DZANK1: variants seen among roughly 807,000 people sequenced by gnomAD.
The protein encoded by DZANK1 is double zinc ribbon and ankyrin repeat-containing protein 1.
A neutral mutation model predicts 94.5 loss-of-function variants in DZANK1; 91 were observed. That is an observed-to-expected ratio of 0.96 (90% CI 0.81 to 1.15). DZANK1 has a LOEUF of 1.15. Among genes scored for constraint, DZANK1 ranks in the 50% most tolerant of loss-of-function variants. The pLI, the probability that DZANK1 is intolerant of heterozygous loss-of-function variation, is 0.00. For missense variants in DZANK1, 903 were observed against 916.4 expected (o/e 0.99, Z 0.19); for synonymous variants, 312 against 325.3 (o/e 0.96, Z 0.44).
chr20:18,390,673 A>G (rs1600712621), intron 17 of DZANK1, among the ~76,000 whole-genome samples: 1 of 152,210 alleles, frequency 6.6e-6, no homozygotes, highest in Admixed American at 6.5e-5. Context: ...AGGCAAGGTT[A>G]CCGCATGGAC....
intron 7 of DZANK1, among the ~76,000 whole-genome samples, chr20:18,445,221 G>T (rs1385972390): frequency 6.6e-6 from 1 of 152,110 alleles, no homozygotes; most frequent in African/African-American, 2.4e-5. Flanking sequence ...TCTGAGCAAA[G>T]AATATTAACA....
chr20:18,429,503 TCCCACGCCACAGACACGGCCTCC>T (rs1417408149), intron 9 of DZANK1, among the ~76,000 whole-genome samples: 1 of 152,200 alleles, frequency 6.6e-6, no homozygotes, highest in Non-Finnish European at 1.5e-5. Flanking sequence ...GTATACCCTG[TCCCACGCCACAGACACGGCCTCC>T]CCCACACTAT....
chr20:18,452,508 C>T, intron 6 of DZANK1, 107 bp downstream of exon 6: 1 of 1,319,832 alleles, frequency 7.6e-7, no homozygotes. Context: ...AGAACAGTGC[C>T]TGGCACATGG....
chr20:18,412,490 T>C (rs1432880026), intron 13 of DZANK1, among the ~76,000 whole-genome samples, 156 bp downstream of exon 13: 4 of 152,172 alleles, frequency 2.6e-5, no homozygotes, highest in African/African-American at 9.7e-5. Context: ...AGAGCTTCTT[T>C]TTCCAATACA....
At chr20:18,393,748 T>C in exon 17 of DZANK1, 1 of 1,613,328 alleles carries the variant, frequency 6.2e-7, no homozygotes, top group South Asian at 1.1e-5. Flanking sequence ...AGTTTTGGTC[T>C]TGAAATTCTT....
chr20:18,428,324 G>C (rs2058140621), intron 9 of DZANK1, among the ~76,000 whole-genome samples: 1 of 151,758 alleles, frequency 6.6e-6, no homozygotes, highest in Admixed American at 6.6e-5. Flanking sequence ...GAGTAGCTGG[G>C]ACTAGAGGCG....
chr20:18,414,931 T>C (rs1423359953), intron 11 of DZANK1, among the ~76,000 whole-genome samples: 2 of 152,206 alleles, frequency 1.3e-5, no homozygotes, highest in Non-Finnish European at 2.9e-5. Flanking sequence ...ATCTGAGCAA[T>C]TGCTTCTGAG....
intron 9 of DZANK1, among the ~76,000 whole-genome samples, chr20:18,430,180 T>G (rs2058226761): frequency 6.6e-6 from 1 of 152,124 alleles, no homozygotes; most frequent in African/African-American, 2.4e-5. Flanking sequence ...AACAAACTAG[T>G]AGGTCATTGC....
intron 9 of DZANK1, chr20:18,432,897 GT>G (rs1282635036): frequency 6.6e-6 from 1 of 152,132 alleles, no homozygotes; most frequent in East Asian, 1.9e-4. Context: ...TTTGAGCAAA[GT>G]TTTTTGGATG....
chr20:18,460,866 A>G (rs2059450568), intron 2 of DZANK1, among the ~76,000 whole-genome samples: 1 of 152,242 alleles, frequency 6.6e-6, no homozygotes, highest in African/African-American at 2.4e-5. Flanking sequence ...ATTGTGCTTT[A>G]CTTGAATGAG....
chr20:18,433,884 T>G, intron 8 of DZANK1, 119 bp from the exon 9 acceptor site: 1 of 822,678 alleles, frequency 1.2e-6, no homozygotes, highest in South Asian at 1.9e-5. Flanking sequence ...TCTCATCTGA[T>G]CTCAAAACCT....
intron 4 of DZANK1, chr20:18,454,647 A>C (rs1293394831): frequency 6.5e-6 from 1 of 154,880 alleles, no homozygotes; most frequent in Non-Finnish European, 1.4e-5. Context: ...ATTTCAACAT[A>C]AAAGAATTCT....
intron 9 of DZANK1, among the ~76,000 whole-genome samples, chr20:18,429,782 A>G (rs984780594): frequency 2.6e-5 from 4 of 152,058 alleles, no homozygotes; most frequent in African/African-American, 9.7e-5. Context: ...ATTTGTGGAG[A>G]CTTTTGACAC....
intron 3 of DZANK1, 35 bp from the exon 4 acceptor site, chr20:18,455,396 G>A (rs749748864): frequency 1.9e-5 from 27 of 1,458,388 alleles, no homozygotes; most frequent in Non-Finnish European, 2.3e-5. Flanking sequence ...AAAAGTCTGT[G>A]TTACACAAAG....
chr20:18,414,299 G>C, intron 12 of DZANK1, 49 bp downstream of exon 12: 1 of 1,604,260 alleles, frequency 6.2e-7, no homozygotes, highest in Non-Finnish European at 8.5e-7. Context: ...CACATTCAGA[G>C]TTACAGCCTC....
chr20:18,450,562 T>C (rs2059063863), intron 6 of DZANK1, among the ~76,000 whole-genome samples: 1 of 152,232 alleles, frequency 6.6e-6, no homozygotes, highest in Non-Finnish European at 1.5e-5. Flanking sequence ...CACATAAAGA[T>C]GTAGTTTTCT....
intron 13 of DZANK1, among the ~76,000 whole-genome samples, chr20:18,410,317 AATTTAT>A (rs2057189656): frequency 6.6e-6 from 1 of 152,158 alleles, no homozygotes; most frequent in African/African-American, 2.4e-5. Context: ...ATAGGGGTAG[AATTTAT>A]ATATTTCATT....
chr20:18,463,832 T>C (rs1212801947), intron 2 of DZANK1, among the ~76,000 whole-genome samples: 4 of 151,772 alleles, frequency 2.6e-5, no homozygotes, highest in African/African-American at 9.7e-5. Context: ...TAAATGCAGA[T>C]AGTTTGTACA....
chr20:18,384,959 C>T lies in DZANK1; in HGVS notation c.2093+57G>A. ...AGGCCCCTCTTAAAATCATCACAGG[C>T]CATTAGGGAGATCCCTGTGGCCCTC... On this transcript the variant is annotated intron_variant, in intron 20 of 20. Transcript: ENST00000262547. 2.0e-6 allele frequency: 3 copies of T among 1,487,980 alleles called. No individual in the cohort carries two copies. In the South Asian group the frequency reaches 3.6e-5, roughly 18 times the overall value. The allele number at this position is 1,487,980 out of a possible 1,614,324, so 92.2% of individuals were successfully genotyped here. A position where few individuals can be genotyped will look rare whatever the true frequency, so the allele number is the denominator to read the frequency against.
Sources: gnomAD v4.1 joint callset for allele counts (sites outside exome capture counted in the v4.1 genomes callset) on GRCh38, gnomAD v4.1.1 for gene constraint, MANE v1.5 for transcripts, NCBI Gene and HGNC (gene_info 2026-07-23, HGNC 2026-07-21) for gene names.